The following LPP variants were observed in gnomAD, a reference collection of about 807,000 sequenced individuals.
LPP encodes the protein lipoma-preferred partner.
Under a neutral mutation model 60.4 loss-of-function variants are expected in LPP, and 38 were observed. That is an observed-to-expected ratio of 0.63 (90% CI 0.49 to 0.83). The LOEUF (loss-of-function observed/expected upper bound fraction) is 0.83. LPP is among the 40% of genes least tolerant of loss of function. The probability of loss-of-function intolerance (pLI) is 0.00; values close to 1 mark genes in which losing one functional copy is unlikely to be tolerated. For synonymous variants in LPP, 328 were observed against 290.8 expected (o/e 1.13, Z -1.30); for missense variants, 902 against 783.6 (o/e 1.15, Z -1.80).
intron 7 of LPP, among the ~76,000 whole-genome samples, chr3:188,668,874 A>G (rs1371386025): frequency 1.3e-5 from 2 of 152,246 alleles, no homozygotes; most frequent in African/African-American, 4.8e-5. Context: ...TATTGTTTAT[A>G]CTGTCTCCAC....
chr3:188,860,403 C>T (rs919636165), intron 9 of LPP, among the ~76,000 whole-genome samples: 2 of 152,056 alleles, frequency 1.3e-5, no homozygotes, highest in East Asian at 1.9e-4. Flanking sequence ...CTGTACTTCC[C>T]AACCTTTTTC....
At chr3:188,386,221 A>C (rs1292237371) in intron 3 of LPP, among the ~76,000 whole-genome samples, 3 of 148,502 alleles carry the variant, frequency 2.0e-5, no homozygotes, top group African/African-American at 7.4e-5. Flanking sequence ...AGTCTCTTGG[A>C]AAGTGCACCT....
At position 188,872,766 on chromosome 3, in the gene LPP, C is replaced by T. The variant is rs761368665; in HGVS notation, c.1710+3C>T. The T allele has an allele frequency of 1.9e-6, 3 of 1,613,884 alleles. No individual in the cohort carries two copies. The highest frequency in any genetic ancestry group is 3.3e-5 in the Admixed American group (2 of 60,010). On this transcript the variant is annotated splice_donor_region_variant and intron_variant, in intron 11 of 11. Coordinates refer to ENST00000617246, the MANE Select transcript of LPP (RefSeq NM_001375462.1). ...ATGTTCACTGCTACCGATGCGAGGT[C>T]TGGTTGACAGCCCTGCCCTGCCAGT...
At chr3:188,337,581 A>G (rs1460967861) in intron 2 of LPP, among the ~76,000 whole-genome samples, 1 of 152,200 alleles carries the variant, frequency 6.6e-6, no homozygotes, top group African/African-American at 2.4e-5. Context: ...GTTTCTTGCT[A>G]TCCAGGGTTT....
At chr3:188,406,384 A>G in intron 4 of LPP, 71 bp downstream of exon 4, 2 of 1,380,774 alleles carry the variant, frequency 1.4e-6, no homozygotes, top group African/African-American at 1.4e-5. Flanking sequence ...TTTGTAGTAC[A>G]AAGTTGTGTC....
intron 7 of LPP, among the ~76,000 whole-genome samples, chr3:188,637,228 T>C (rs1849005642): frequency 6.6e-6 from 1 of 151,992 alleles, no homozygotes. Context: ...ACCACTCAAC[T>C]ACATGGAAAC....
intron 2 of LPP, among the ~76,000 whole-genome samples, chr3:188,335,096 A>G (rs1176587495): frequency 6.6e-6 from 1 of 152,226 alleles, no homozygotes; most frequent in East Asian, 1.9e-4. Flanking sequence ...AAAAGTGAGC[A>G]TCTTTGTCTT....
At chr3:188,197,512 G>A (rs949638180) in intron 1 of LPP, among the ~76,000 whole-genome samples, 26 of 152,108 alleles carry the variant, frequency 1.7e-4, no homozygotes, top group Non-Finnish European at 4.4e-5. Flanking sequence ...GGTTGCCTGC[G>A]TTTTCATCTT....
At chr3:188,808,986 T>C (rs1251844162) in intron 9 of LPP, among the ~76,000 whole-genome samples, 3 of 152,222 alleles carry the variant, frequency 2.0e-5, no homozygotes, top group Non-Finnish European at 4.4e-5. Flanking sequence ...TCCAGCTTCA[T>C]CCATGTCACT....
intron 5 of LPP, among the ~76,000 whole-genome samples, chr3:188,504,369 T>C (rs1440438366): frequency 6.6e-6 from 1 of 152,176 alleles, no homozygotes; most frequent in East Asian, 1.9e-4. Flanking sequence ...TCTTTCAGCA[T>C]GTTTAAGACA....
chr3:188,326,169 T>C (rs1357477422), intron 2 of LPP, among the ~76,000 whole-genome samples: 1 of 152,186 alleles, frequency 6.6e-6, no homozygotes, highest in African/African-American at 2.4e-5. Context: ...GCTTTAAGTT[T>C]GGCGTTTGAG....
At chr3:188,627,363 G>C (rs2151661842) in intron 7 of LPP, among the ~76,000 whole-genome samples, 2 of 152,262 alleles carry the variant, frequency 1.3e-5, no homozygotes, top group Admixed American at 1.3e-4. Context: ...ATTGGATGAA[G>C]GAGCAAGGCC....
intron 9 of LPP, among the ~76,000 whole-genome samples, chr3:188,780,398 A>T (rs568948647): frequency 2.5e-4 from 38 of 152,224 alleles, no homozygotes; most frequent in African/African-American, 8.7e-4. Context: ...AGGGCTTCCC[A>T]TCAATGGACA....
chr3:188,154,209 G>GCCGCCGCCACCA lies in LPP; in HGVS notation c.-228_-227insGCCACCACCGCC, dbSNP rs1553796010. Reference sequence around the variant, plus strand: ...TCCAGCCGCCGCCGCCGCCGCCGCCGCCGCCACCACCACCGCCGCTGCCCC... The same window carrying GCCGCCGCCACCA: ...TCCAGCCGCCGCCGCCGCCGCCGCCGCCGCCGCCACCACCGCCACCACCACCGCCGCTGCCCC... On this transcript the variant is annotated 5_prime_UTR_variant, in exon 1 of 12. Transcript: ENST00000617246. Among the ~76,000 whole-genome samples, 1 of 151,356 alleles carries GCCGCCGCCACCA rather than the reference G, an allele frequency of 6.6e-6. No homozygotes were observed. Among genetic ancestry groups the GCCGCCGCCACCA allele is most frequent in the Non-Finnish European group, 1.5e-5 (1 of 67,746 alleles).
chr3:188,292,405 A>C (rs561109990), intron 2 of LPP, among the ~76,000 whole-genome samples: 1 of 152,216 alleles, frequency 6.6e-6, no homozygotes, highest in Non-Finnish European at 1.5e-5. Context: ...CAATACCTCT[A>C]CACTCCAAAA....
intron 7 of LPP, among the ~76,000 whole-genome samples, chr3:188,657,437 G>A (rs1232318727): frequency 1.3e-5 from 2 of 151,448 alleles, no homozygotes; most frequent in Non-Finnish European, 1.5e-5. Context: ...GGCTTTCCTC[G>A]ACATTATAAA....
At chr3:188,559,783 C>T (rs925629567) in intron 6 of LPP, among the ~76,000 whole-genome samples, 2 of 152,090 alleles carry the variant, frequency 1.3e-5, no homozygotes, top group East Asian at 1.9e-4. Context: ...TCCAATTTCT[C>T]GTCCGAGAAT....
At chr3:188,589,641 G>A (rs1838239369) in intron 6 of LPP, among the ~76,000 whole-genome samples, 1 of 152,014 alleles carries the variant, frequency 6.6e-6, no homozygotes, top group Non-Finnish European at 1.5e-5. Flanking sequence ...AAGTTATTTT[G>A]CATTTTTTTC....
intron 9 of LPP, among the ~76,000 whole-genome samples, chr3:188,793,499 A>G (rs11915173): frequency 0.011 from 1,599 of 152,180 alleles, 26 homozygotes; most frequent in African/African-American, 0.035. Context: ...CATTATACTG[A>G]TAGCAAAATT....
Sources: gnomAD v4.1 joint callset for allele counts (sites outside exome capture counted in the v4.1 genomes callset) on GRCh38, gnomAD v4.1.1 for gene constraint, MANE v1.5 for transcripts, NCBI Gene and HGNC (gene_info 2026-07-23, HGNC 2026-07-21) for gene names.